The following KCNK13 variants were observed in gnomAD, a reference collection of about 807,000 sequenced individuals.
The protein encoded by KCNK13 is potassium two pore domain channel subfamily K member 13.
A neutral mutation model predicts 23.4 loss-of-function variants in KCNK13; 12 were observed. The observed-to-expected ratio is 0.51, with a 90% confidence interval of 0.33 to 0.83. KCNK13 has a LOEUF of 0.83. Among genes scored for constraint, KCNK13 ranks in the 40% least tolerant of loss-of-function variants. The pLI is 0.02. For missense variants in KCNK13, 463 were observed against 556.3 expected, an observed-to-expected ratio of 0.83 and a Z score of 1.69; for synonymous variants, 231 against 229.5, an observed-to-expected ratio of 1.01 and a Z score of -0.06.
chr14:90,085,003 C>T (rs10137901), intron 1 of KCNK13, among the ~76,000 whole-genome samples: 2,882 of 152,146 alleles, frequency 0.019, 81 homozygotes, highest in African/African-American at 0.065. Flanking sequence ...AGTGCAGTGG[C>T]GTGATCTTGG....
chr14:90,154,612 G>C (rs1317419794), intron 1 of KCNK13, among the ~76,000 whole-genome samples: 2 of 152,186 alleles, frequency 1.3e-5, no homozygotes, highest in South Asian at 4.1e-4. Flanking sequence ...GACAGGAGAG[G>C]ATAAACAGGA....
At chr14:90,124,752 T>A (rs1261111921) in intron 1 of KCNK13, among the ~76,000 whole-genome samples, 1 of 152,196 alleles carries the variant, frequency 6.6e-6, no homozygotes, top group African/African-American at 2.4e-5. Flanking sequence ...CCTGTAGGAG[T>A]GTGAGATTAT....
At chr14:90,183,963 G>T in intron 1 of KCNK13, 148 bp from the exon 2 acceptor site, 1 of 709,296 alleles carries the variant, frequency 1.4e-6, no homozygotes. Flanking sequence ...AAGCAGGTGA[G>T]AATTCTCCTG....
At chr14:90,147,278 G>A (rs762479669) in intron 1 of KCNK13, among the ~76,000 whole-genome samples, 17 of 151,716 alleles carry the variant, frequency 1.1e-4, no homozygotes, top group African/African-American at 2.9e-4. Flanking sequence ...CTAGAGACAG[G>A]GTCTCACTCT....
chr14:90,090,516 A>G (rs1446942838), intron 1 of KCNK13, among the ~76,000 whole-genome samples: 1 of 152,192 alleles, frequency 6.6e-6, no homozygotes, highest in African/African-American at 2.4e-5. Context: ...GAGATGTTGG[A>G]CTGTAGACTT....
At chr14:90,133,921 G>T (rs1329241916) in intron 1 of KCNK13, among the ~76,000 whole-genome samples, 1 of 152,174 alleles carries the variant, frequency 6.6e-6, no homozygotes, top group Non-Finnish European at 1.5e-5. Flanking sequence ...AACTCCATGG[G>T]TGCTTCTAGA....
intron 1 of KCNK13, among the ~76,000 whole-genome samples, chr14:90,065,109 T>G (rs1888992707): frequency 6.6e-6 from 1 of 152,224 alleles, no homozygotes; most frequent in African/African-American, 2.4e-5. Context: ...CTGGTCTCCT[T>G]TTTCCTCTGC....
At chr14:90,124,387 G>T (rs990947162) in intron 1 of KCNK13, among the ~76,000 whole-genome samples, 1 of 152,212 alleles carries the variant, frequency 6.6e-6, no homozygotes, top group Non-Finnish European at 1.5e-5. Flanking sequence ...TTAATCACAT[G>T]AGGTCTTAAA....
intron 1 of KCNK13, among the ~76,000 whole-genome samples, chr14:90,070,456 G>T (rs181489420): frequency 1.3e-5 from 2 of 152,318 alleles, no homozygotes; most frequent in African/African-American, 2.4e-5. Flanking sequence ...TAATCAAAGT[G>T]TCTGTGTGCT....
At chr14:90,156,379 T>G (rs1442183018) in intron 1 of KCNK13, among the ~76,000 whole-genome samples, 1 of 151,866 alleles carries the variant, frequency 6.6e-6, no homozygotes, top group East Asian at 1.9e-4. Flanking sequence ...CAAAGGAGAC[T>G]GAGAACGAGA....
intron 1 of KCNK13, among the ~76,000 whole-genome samples, chr14:90,134,763 G>A (rs749920018): frequency 2.6e-5 from 4 of 152,234 alleles, no homozygotes; most frequent in South Asian, 4.1e-4. Context: ...TTTTCTGAAC[G>A]GTGAGATTAT....
Position 90,062,535 on chromosome 14 carries a change from C to G in KCNK13, c.330C>G (p.Thr110=). The G allele has an allele frequency of 6.6e-7, 1 of 1,503,888 alleles. No individual in the cohort carries two copies. The highest frequency in any genetic ancestry group is 8.9e-7 in the Non-Finnish European group (1 of 1,124,984). 93.2% of individuals were successfully genotyped at this position (1,503,888 alleles called of 1,614,324 possible). A position where few individuals can be genotyped will look rare whatever the true frequency, so the allele number is the denominator to read the frequency against. ...ACTTCGTGGGCACCGTCGTTTCCAC[C>G]ATAGGTAAGTGTGCTGGCCGGACTC... ...AFYFVGTVVS[T]IGFGMTTPAT... The change falls in exon 1 of 2, where the codon ACC becomes ACG. Residue 110 remains threonine, a synonymous_variant. Transcript: ENST00000282146. This position sits in a 1 kb window ranked among gnomAD's most constrained non-coding sequence, Gnocchi z 4.5.
At chr14:90,131,711 T>C (rs1283469102) in intron 1 of KCNK13, among the ~76,000 whole-genome samples, 2 of 152,190 alleles carry the variant, frequency 1.3e-5, no homozygotes, top group Non-Finnish European at 2.9e-5. Context: ...GTAGATTTTG[T>C]AGAGGCAGGG....
At chr14:90,073,591 C>T (rs1004586648) in intron 1 of KCNK13, among the ~76,000 whole-genome samples, 5 of 152,184 alleles carry the variant, frequency 3.3e-5, no homozygotes, top group Non-Finnish European at 7.3e-5. Context: ...CTGTGCTCCC[C>T]GGAGCCCGTG....
At chr14:90,093,003 C>A (rs1404723242) in intron 1 of KCNK13, among the ~76,000 whole-genome samples, 1 of 151,102 alleles carries the variant, frequency 6.6e-6, no homozygotes, top group Non-Finnish European at 1.5e-5. Context: ...TTAATTTGCG[C>A]TGGGTGCTAA....
chr14:90,140,417 A>G (rs2140427650), intron 1 of KCNK13, among the ~76,000 whole-genome samples: 1 of 152,346 alleles, frequency 6.6e-6, no homozygotes, highest in East Asian at 1.9e-4. Flanking sequence ...CCGTACTACA[A>G]GGCAGTAATT....
intron 1 of KCNK13, among the ~76,000 whole-genome samples, chr14:90,174,044 T>C (rs1890394711): frequency 6.6e-6 from 1 of 151,880 alleles, no homozygotes; most frequent in African/African-American, 2.4e-5. Context: ...CAGTGGCTCA[T>C]GCCTGTAATC....
At chr14:90,096,648 G>A (rs1439854279) in intron 1 of KCNK13, among the ~76,000 whole-genome samples, 4 of 152,182 alleles carry the variant, frequency 2.6e-5, no homozygotes, top group Admixed American at 6.5e-5. Context: ...TGATTGTATT[G>A]TAAGGATACA....
In KCNK13 at chr14:90,185,764, C is replaced by T. The variant is rs1890543310; in HGVS notation, c.*761C>T. On this transcript the variant is annotated 3_prime_UTR_variant, in exon 2 of 2. Coordinates refer to ENST00000282146, the MANE Select transcript of KCNK13 (RefSeq NM_022054.4). ...TTTCCCTTTGAATGGTCACACAGAC[C>T]ATTTCATTTTTACCAGGGCTTGGGG... 1 of 152,038 alleles carries T rather than the reference C, an allele frequency of 6.6e-6. No homozygotes were observed. Among genetic ancestry groups the T allele is most frequent in the African/African-American group, 2.4e-5 (1 of 41,386 alleles). 9.4% of individuals were successfully genotyped at this position (152,038 alleles called of 1,614,324 possible). A position where few individuals can be genotyped will look rare whatever the true frequency, so the allele number is the denominator to read the frequency against.
Sources: gnomAD v4.1 joint callset for allele counts (sites outside exome capture counted in the v4.1 genomes callset) on GRCh38, gnomAD v4.1.1 for gene constraint, Gnocchi (gnomAD v3.1) non-coding constraint, MANE v1.5 for transcripts, NCBI Gene and HGNC (gene_info 2026-07-23, HGNC 2026-07-21) for gene names.